The following LPA variants were observed in gnomAD, a reference collection of about 807,000 sequenced individuals.
LPA encodes apolipoprotein(a).
A neutral mutation model predicts 197.9 loss-of-function variants in LPA; 199 were observed. The observed-to-expected ratio is 1.01, with a 90% CI of 0.90 to 1.13. The LOEUF (loss-of-function observed/expected upper bound fraction) is 1.13, where lower values mean the gene tolerates loss of function less well. Among genes scored for constraint, LPA ranks in the 50% most tolerant of loss-of-function variants. The pLI is 0.00. For missense variants in LPA, 1,853 were observed against 1,785.8 expected (o/e 1.04, Z -0.68); for synonymous variants, 715 against 639.5 (o/e 1.12, Z -1.78).
At chr6:160,653,309 A>G (rs1037877318) in intron 1 of LPA, among the ~76,000 whole-genome samples, 2 of 152,124 alleles carry the variant, frequency 1.3e-5, no homozygotes, top group Non-Finnish European at 2.9e-5. Context: ...GAAATAGACT[A>G]ATCTAGAGTT....
At chr6:160,656,575 G>A (rs1780136838) in intron 1 of LPA, among the ~76,000 whole-genome samples, 1 of 152,298 alleles carries the variant, frequency 6.6e-6, no homozygotes, top group Admixed American at 6.5e-5. Flanking sequence ...TCAGCTCAGA[G>A]CCAGTGTCCA....
chr6:160,591,660 C>A (rs1171654595), intron 22 of LPA, among the ~76,000 whole-genome samples: 1 of 152,228 alleles, frequency 6.6e-6, no homozygotes, highest in African/African-American at 2.4e-5. Context: ...AATGGCTCCT[C>A]TCCCCTGTTA....
chr6:160,572,866 C>T (rs1392862635), intron 28 of LPA, among the ~76,000 whole-genome samples: 1 of 152,144 alleles, frequency 6.6e-6, no homozygotes, highest in Admixed American at 6.5e-5. Flanking sequence ...CTTTGCATAA[C>T]CTGATGAGAA....
chr6:160,540,736 G>A (rs780810642), intron 35 of LPA, among the ~76,000 whole-genome samples: 11 of 152,154 alleles, frequency 7.2e-5, no homozygotes, highest in Non-Finnish European at 1.5e-4. Flanking sequence ...AGAAACATGT[G>A]CCAATTAAAC....
intron 27 of LPA, 22 bp from the exon 28 acceptor site, chr6:160,577,317 T>G (rs751399113): frequency 1.2e-6 from 2 of 1,610,728 alleles, no homozygotes; most frequent in East Asian, 2.2e-5. Flanking sequence ...ATAAAATAAA[T>G]CATACTCAGT....
intron 24 of LPA, 136 bp from the exon 25 acceptor site, chr6:160,586,766 CA>C (rs1778920254): frequency 7.6e-6 from 9 of 1,187,808 alleles, no homozygotes; most frequent in Non-Finnish European, 9.7e-6. Context: ...ATAACACTCA[CA>C]AATGGTCCTC....
At chr6:160,647,612 A>T (rs148606987) in intron 2 of LPA, among the ~76,000 whole-genome samples, 112 of 152,226 alleles carry the variant, frequency 7.4e-4, no homozygotes, top group African/African-American at 2.1e-3. Context: ...TATACAACAA[A>T]CCTCAGAGTT....
intron 19 of LPA, 42 bp from the exon 20 acceptor site, chr6:160,599,701 A>G (rs1388698278): frequency 6.2e-7 from 1 of 1,611,516 alleles, no homozygotes. Flanking sequence ...TATTTCCTAG[A>G]ACAGAAAAAT....
intron 19 of LPA, 115 bp from the exon 20 acceptor site, chr6:160,599,774 T>C: frequency 1.8e-6 from 2 of 1,138,472 alleles, no homozygotes; most frequent in Non-Finnish European, 2.6e-6. Context: ...CATTCTCTAT[T>C]CTTTATTAAT....
At chr6:160,635,529 C>T (rs1779799998) in intron 6 of LPA, among the ~76,000 whole-genome samples, 1 of 119,826 alleles carries the variant, frequency 8.3e-6, no homozygotes, top group Admixed American at 7.6e-5. Flanking sequence ...AATAAAAAAT[C>T]TAAAGTAGCA....
intron 24 of LPA, 33 bp downstream of exon 24, chr6:160,589,520 C>T (rs1778982646): frequency 3.7e-6 from 6 of 1,610,990 alleles, no homozygotes; most frequent in East Asian, 2.2e-5. Flanking sequence ...AAGTGGGTGG[C>T]TGTTTCTCTT....
At chr6:160,602,181 C>A (rs1779257341) in intron 18 of LPA, among the ~76,000 whole-genome samples, 4 of 152,198 alleles carry the variant, frequency 2.6e-5, no homozygotes, top group Admixed American at 1.3e-4. Context: ...GTTCAATGAG[C>A]AACTGGATGT....
chr6:160,585,268 A>G (rs1242439994), intron 25 of LPA, 63 bp from the exon 26 acceptor site: 2 of 1,515,158 alleles, frequency 1.3e-6, no homozygotes, highest in East Asian at 4.5e-5. Context: ...GAAAAAAATT[A>G]TGACACACAA....
At chr6:160,653,430 A>T (rs1216221069) in intron 1 of LPA, among the ~76,000 whole-genome samples, 1 of 152,154 alleles carries the variant, frequency 6.6e-6, no homozygotes, top group Non-Finnish European at 1.5e-5. Context: ...CGACCTTGAG[A>T]GAACACCCCG....
intron 1 of LPA, among the ~76,000 whole-genome samples, chr6:160,656,064 T>G (rs929234420): frequency 6.6e-6 from 1 of 152,164 alleles, no homozygotes; most frequent in Non-Finnish European, 1.5e-5. Flanking sequence ...AAACCACAAC[T>G]GGTAGAGCAG....
At position 160,601,032 on chromosome 6, in the gene LPA, A is replaced by T; in HGVS notation, c.3012T>A (p.Asp1004Glu). 2 of 1,614,088 alleles carry T rather than the reference A, an allele frequency of 1.2e-6. No homozygotes were observed. Among genetic ancestry groups the T allele is most frequent in the Non-Finnish European group, 1.7e-6 (2 of 1,179,972 alleles). The change falls in exon 19 of 39, where the codon GAT becomes GAA. Residue 1004 changes from aspartate to glutamate, a missense_variant. Asp to Glu is a conservative substitution (Grantham distance 45, BLOSUM62 2). This residue lies in a region of LPA where 1,737 missense variants were observed against 1,504.4 expected (regional missense o/e 1.15). Transcript: ENST00000316300. ...PVAAPWCYTT[D>E]PSVRWEYCNL... ...TGCAGTACTCCCACCTGACACTGGG[A>T]TCTGTTGTATAACACCAAGGGGCTG...
intron 33 of LPA, among the ~76,000 whole-genome samples, chr6:160,544,947 C>T (rs1778041604): frequency 6.6e-6 from 1 of 152,074 alleles, no homozygotes; most frequent in Non-Finnish European, 1.5e-5. Context: ...ACGAGAAAGG[C>T]CATCTGGGGC....
intron 2 of LPA, among the ~76,000 whole-genome samples, chr6:160,649,450 T>C (rs914190110): frequency 7.9e-5 from 12 of 152,332 alleles, no homozygotes; most frequent in African/African-American, 2.9e-4. Flanking sequence ...TCTGTTCTCA[T>C]TGTTAGCAGG....
chr6:160,557,980 C>A (rs1479572529), intron 28 of LPA, among the ~76,000 whole-genome samples: 1 of 150,116 alleles, frequency 6.7e-6, no homozygotes, highest in Non-Finnish European at 1.5e-5. Context: ...AGTGCAGTGG[C>A]GCAATCTCGG....
Sources: gnomAD v4.1 joint callset for allele counts (sites outside exome capture counted in the v4.1 genomes callset) on GRCh38, gnomAD v4.1.1 for gene constraint, gnomAD v4.1.1 regional missense constraint, MANE v1.5 for transcripts, NCBI Gene and HGNC (gene_info 2026-07-23, HGNC 2026-07-21) for gene names.